SNX29: variants seen among roughly 807,000 people sequenced by gnomAD.
SNX29 encodes the protein sorting nexin-29.
A neutral mutation model predicts 102.1 loss-of-function variants in SNX29; 78 were observed. The ratio of observed to expected loss-of-function variants is 0.76; its 90% CI spans 0.64 to 0.92. The LOEUF is 0.92. SNX29 is among the 40% of genes least tolerant of loss of function. SNX29 has a pLI of 0.00. For synonymous variants in SNX29, 580 were observed against 414.5 expected, an observed-to-expected ratio of 1.40 and a Z score of -4.85; for missense variants, 1,280 against 1,061.7, an observed-to-expected ratio of 1.21 and a Z score of -2.86.
intron 18 of SNX29, among the ~76,000 whole-genome samples, chr16:12,447,028 G>A (rs1327310864): frequency 2.6e-5 from 4 of 151,742 alleles, no homozygotes; most frequent in Admixed American, 6.6e-5. Context: ...TTAGCAGGGT[G>A]TGGTGGCACG....
intron 13 of SNX29, 150 bp from the exon 14 acceptor site, chr16:12,199,451 T>C: frequency 1.6e-6 from 1 of 608,612 alleles, no homozygotes; most frequent in Non-Finnish European, 2.9e-6. Flanking sequence ...TCTCCCGTGA[T>C]GATATCTAAA....
chr16:12,569,445 G>A lies in SNX29; in HGVS notation c.*816G>A, dbSNP rs901358590. The stretch of plus-strand genomic sequence containing the variant: ...ATCCAGCGTGTCCAAAGTAGCATTG[G>A]CCCTACAGTCATGAGAGACTTGGGT... On this transcript the variant is annotated 3_prime_UTR_variant, in exon 21 of 21. Transcript: ENST00000566228. 17 of 230,966 alleles carry A rather than the reference G, an allele frequency of 7.4e-5. No individual in the cohort carries two copies. Among genetic ancestry groups the A allele is most frequent in the Non-Finnish European group, 1.3e-4 (15 of 116,718 alleles). 14.3% of individuals were successfully genotyped at this position (230,966 alleles called of 1,614,324 possible). A position where few individuals can be genotyped will look rare whatever the true frequency, so the allele number is the denominator to read the frequency against.
At chr16:12,066,650 C>T (rs754616431) in intron 9 of SNX29, among the ~76,000 whole-genome samples, 1 of 151,788 alleles carries the variant, frequency 6.6e-6, no homozygotes. Flanking sequence ...TTCAGGGCCA[C>T]CTTCACTCAG....
In SNX29 at chr16:12,572,645, C is replaced by CA. The variant is rs3840042; in HGVS notation, c.*4018dup. The stretch of plus-strand genomic sequence containing the variant: ...CAGAATCCATCCTTCATTCCTCCAC[C>CA]AAGCTCCTGTGTGAGCTGCAGCACC... On this transcript the variant is annotated 3_prime_UTR_variant, in exon 21 of 21. Coordinates refer to ENST00000566228, the MANE Select transcript of SNX29 (RefSeq NM_032167.5). 1.3e-3 allele frequency: 1,415 copies of CA among 1,063,824 alleles called. 45 individuals are homozygous for CA. In the East Asian group the frequency reaches 0.061, roughly 46 times the overall value. The allele number at this position is 1,063,824 out of a possible 1,614,324, so 65.9% of individuals were successfully genotyped here.
intron 18 of SNX29, among the ~76,000 whole-genome samples, chr16:12,418,200 G>C (rs1055529000): frequency 2.0e-5 from 3 of 152,124 alleles, no homozygotes; most frequent in African/African-American, 7.2e-5. Context: ...ATTGGCTGGT[G>C]ATATTTCATA....
At chr16:12,030,123 C>T (rs753556344) in intron 4 of SNX29, among the ~76,000 whole-genome samples, 1 of 152,196 alleles carries the variant, frequency 6.6e-6, no homozygotes, top group Non-Finnish European at 1.5e-5. Context: ...AGCCTCTTGG[C>T]ACACTTTCTT....
chr16:11,987,780 A>G (rs2055689595), intron 1 of SNX29, among the ~76,000 whole-genome samples: 1 of 152,358 alleles, frequency 6.6e-6, no homozygotes, highest in African/African-American at 2.4e-5. Context: ...GACCTGGAAC[A>G]TAGAGGACCA....
chr16:12,232,702 G>C (rs188177524), intron 14 of SNX29, among the ~76,000 whole-genome samples: 2 of 152,228 alleles, frequency 1.3e-5, no homozygotes, highest in African/African-American at 4.8e-5. Context: ...TTTTCTTTTT[G>C]AGACAGAGTC....
intron 18 of SNX29, among the ~76,000 whole-genome samples, chr16:12,466,174 G>A (rs1041930746): frequency 2.6e-5 from 4 of 152,106 alleles, no homozygotes; most frequent in Non-Finnish European, 5.9e-5. Flanking sequence ...GAAATAAAAG[G>A]CATCCAAATT....
chr16:12,556,397 T>C (rs1007291061), intron 20 of SNX29: 1 of 152,262 alleles, frequency 6.6e-6, no homozygotes, highest in Non-Finnish European at 1.5e-5. Flanking sequence ...GGCAATATAG[T>C]ACAGAAGATG....
chr16:12,193,501 G>A (rs1451672246), intron 13 of SNX29, among the ~76,000 whole-genome samples: 1 of 150,390 alleles, frequency 6.6e-6, no homozygotes, highest in Admixed American at 6.6e-5. Context: ...CTTTCACATA[G>A]CAAATCCAGT....
In SNX29 at chr16:12,229,420, G is replaced by A. The variant is rs16959078; in HGVS notation, c.1678+29737G>A. Among the ~76,000 whole-genome samples, 16 of 152,088 alleles carry A rather than the reference G, an allele frequency of 1.1e-4. 1 individual carries two copies. In the East Asian group the frequency reaches 2.9e-3, roughly 27 times the overall value. On this transcript the variant is annotated intron_variant, in intron 14 of 20. Transcript: ENST00000566228. ...TTCCATGTCGTGTATGCGGCTAAGC[G>A]AAGAAAAAGAGTGGTTTCATCTCCC...
At chr16:12,564,975 G>C (rs551661823) in intron 20 of SNX29, among the ~76,000 whole-genome samples, 5 of 150,884 alleles carry the variant, frequency 3.3e-5, no homozygotes, top group South Asian at 2.1e-4. Context: ...AATGTGAGGC[G>C]TTTCAGCTTC....
intron 13 of SNX29, among the ~76,000 whole-genome samples, chr16:12,154,151 C>T (rs1260326013): frequency 6.6e-6 from 1 of 152,208 alleles, no homozygotes; most frequent in Non-Finnish European, 1.5e-5. Flanking sequence ...CCCACCGACC[C>T]CACCTCTTTT....
chr16:12,007,084 TCTC>T (rs1374107834), intron 3 of SNX29, among the ~76,000 whole-genome samples: 2 of 152,182 alleles, frequency 1.3e-5, no homozygotes, highest in African/African-American at 2.4e-5. Flanking sequence ...AAAAAATTAT[TCTC>T]CTCTACCTCA....
At chr16:12,308,017 C>T (rs946156550) in intron 15 of SNX29, among the ~76,000 whole-genome samples, 1 of 152,238 alleles carries the variant, frequency 6.6e-6, no homozygotes, top group Admixed American at 6.5e-5. Flanking sequence ...ATCCCTCATT[C>T]TGCCTTCATG....
chr16:12,520,538 C>T (rs1052867130), intron 19 of SNX29, among the ~76,000 whole-genome samples: 14 of 152,032 alleles, frequency 9.2e-5, no homozygotes, highest in African/African-American at 3.4e-4. Context: ...CTCTGAGAAA[C>T]GAGCATGAGT....
chr16:12,079,665 A>G (rs2151343771), intron 11 of SNX29, among the ~76,000 whole-genome samples: 1 of 152,102 alleles, frequency 6.6e-6, no homozygotes, highest in South Asian at 2.1e-4. Context: ...ATTCAGACCT[A>G]CTCTTCTTGA....
intron 15 of SNX29, among the ~76,000 whole-genome samples, chr16:12,283,215 G>T (rs897071985): frequency 6.6e-6 from 1 of 152,076 alleles, no homozygotes; most frequent in African/African-American, 2.4e-5. Context: ...TACCCTGGGA[G>T]CAGCAGTGTT....
Sources: gnomAD v4.1 joint callset for allele counts (sites outside exome capture counted in the v4.1 genomes callset) on GRCh38, gnomAD v4.1.1 for gene constraint, MANE v1.5 for transcripts, NCBI Gene and HGNC (gene_info 2026-07-23, HGNC 2026-07-21) for gene names.